RREB1: variants seen among roughly 807,000 people sequenced by gnomAD.
The protein encoded by RREB1 is ras-responsive element-binding protein 1.
Under a neutral mutation model 117.8 loss-of-function variants are expected in RREB1, and 27 were observed. That is an observed-to-expected ratio of 0.23 (90% CI 0.17 to 0.32). The LOEUF (loss-of-function observed/expected upper bound fraction) is 0.32, where lower values mean the gene tolerates loss of function less well. RREB1 is among the 10% of genes least tolerant of loss of function. The pLI is 1.00. For synonymous variants in RREB1, 1,298 were observed against 1,026.7 expected (o/e 1.26, Z -5.05); for missense variants, 2,577 against 2,378.2 (o/e 1.08, Z -1.74).
At chr6:7,111,942 A>T (rs1761167947) in intron 1 of RREB1, among the ~76,000 whole-genome samples, 1 of 152,234 alleles carries the variant, frequency 6.6e-6, no homozygotes, top group African/African-American at 2.4e-5. Flanking sequence ...ATTTGTATTC[A>T]AAGATAGAAA....
intron 1 of RREB1, among the ~76,000 whole-genome samples, chr6:7,157,836 C>T (rs750405254): frequency 2.1e-4 from 32 of 152,200 alleles, no homozygotes; most frequent in Non-Finnish European, 4.0e-4. Flanking sequence ...CTCTTTCATC[C>T]CTCCTGACTC....
chr6:7,153,571 C>T (rs980795225), intron 1 of RREB1, among the ~76,000 whole-genome samples: 4 of 151,848 alleles, frequency 2.6e-5, no homozygotes. Flanking sequence ...AGAAACAGAC[C>T]GAAAATAGGA....
intron 1 of RREB1, among the ~76,000 whole-genome samples, chr6:7,141,223 G>C (rs1762565862): frequency 6.6e-6 from 1 of 152,070 alleles, no homozygotes; most frequent in South Asian, 2.1e-4. Context: ...TGGCTGGCGG[G>C]CTGGCGGGGG....
intron 6 of RREB1, among the ~76,000 whole-genome samples, chr6:7,199,572 C>CT (rs1435891253): frequency 6.6e-6 from 1 of 152,014 alleles, no homozygotes; most frequent in South Asian, 2.1e-4. Flanking sequence ...GAACACTTGC[C>CT]TTTTTTTCTT....
At position 7,231,037 on chromosome 6, in the gene RREB1, C is replaced by T. The variant is rs778450097; in HGVS notation, c.2938C>T (p.Pro980Ser). Reference protein sequence around the residue: ...SPCPAPGPSLPVTLGPSGILE... With the variant: ...SPCPAPGPSLSVTLGPSGILE... ...CTGCCCAGCACCCGGCCCTTCTCTT[C>T]CTGTAACTTTGGGGCCCAGCGGAAT... The change falls in exon 10 of 13, where the codon CCT becomes TCT. Residue 980 changes from proline (P) to serine (S), a missense_variant. By Grantham distance (74) the Pro-to-Ser change is moderately conservative (BLOSUM62 -1). Transcript: ENST00000379938. The T allele has an allele frequency of 5.0e-6, 8 of 1,613,912 alleles. No homozygotes were observed. The highest frequency in any genetic ancestry group is 4.0e-5 in the African/African-American group (3 of 74,924).
chr6:7,238,486 C>T (rs1238693232), intron 10 of RREB1, among the ~76,000 whole-genome samples: 2 of 152,250 alleles, frequency 1.3e-5, no homozygotes, highest in Non-Finnish European at 2.9e-5. Context: ...ATCTGCTCAC[C>T]TTGGCCTCCC....
At chr6:7,174,167 T>C (rs956635214) in intron 1 of RREB1, among the ~76,000 whole-genome samples, 22 of 150,554 alleles carry the variant, frequency 1.5e-4, no homozygotes, top group African/African-American at 5.0e-4. Flanking sequence ...TTTTTTTTTT[T>C]TCTGAAGCAT....
At chr6:7,180,362 A>G (rs1764726981) in intron 2 of RREB1, among the ~76,000 whole-genome samples, 1 of 152,316 alleles carries the variant, frequency 6.6e-6, no homozygotes, top group Middle Eastern at 3.4e-3. Flanking sequence ...GAGAAATCAT[A>G]TTCTTCCTTG....
intron 12 of RREB1, among the ~76,000 whole-genome samples, chr6:7,247,554 G>C (rs1411766407): frequency 6.6e-6 from 1 of 152,178 alleles, no homozygotes; most frequent in African/African-American, 2.4e-5. Flanking sequence ...CTAGGAGAGG[G>C]TGCTTGTGCT....
rs367822372 is a variant in RREB1 at position 7,235,075 on chromosome 6, A to G, written c.3808+3168A>G. On this transcript the variant is annotated intron_variant, in intron 10 of 12. Transcript: ENST00000379938. ...CTACAGAATCGTGTTAGCCACATGCATAGACACTGTATGAAGGTTGGTGCC... is the reference window on the plus strand; with the variant it reads ...CTACAGAATCGTGTTAGCCACATGCGTAGACACTGTATGAAGGTTGGTGCC... Among the ~76,000 whole-genome samples the G allele has an allele frequency of 2.8e-4, 43 of 152,362 alleles. 1 individual carries two copies. The South Asian group carries it at 8.5e-3, about 30-fold the overall frequency.
chr6:7,215,656 A>C (rs1766855700), intron 8 of RREB1: 7 of 152,218 alleles, frequency 4.6e-5, no homozygotes, highest in Admixed American at 4.6e-4. Flanking sequence ...GTCATGTTTT[A>C]AAAAGTAAAA....
chr6:7,143,385 C>T (rs1762712528), intron 1 of RREB1, among the ~76,000 whole-genome samples: 1 of 152,182 alleles, frequency 6.6e-6, no homozygotes, highest in African/African-American at 2.4e-5. Context: ...TCGTTCACTC[C>T]CTTGGTCTGA....
chr6:7,230,809 C>G lies in RREB1; in HGVS notation c.2710C>G (p.Gln904Glu). The change falls in exon 10 of 13, where the codon CAG becomes GAG. Residue 904 changes from glutamine (Q) to glutamate (E), a missense_variant. Physicochemically the swap from Gln to Glu is conservative, Grantham distance 29. Transcript: ENST00000379938. ...VDFNEPLDFS[Q>E]KGLALVQVKQ... ...CTTCAATGAGCCCCTGGACTTCTCGCAGAAGGGCCTGGCCCTGGTCCAAGT... is the reference window on the plus strand; with the variant it reads ...CTTCAATGAGCCCCTGGACTTCTCGGAGAAGGGCCTGGCCCTGGTCCAAGT... 1.2e-6 allele frequency: 2 copies of G among 1,614,188 alleles called. No homozygotes were observed. The highest frequency in any genetic ancestry group is 1.6e-4 in the Middle Eastern group (1 of 6,062).
intron 4 of RREB1, chr6:7,182,935 T>C (rs1394850235): frequency 2.6e-5 from 4 of 152,236 alleles, no homozygotes. Flanking sequence ...TGGGCTTTTG[T>C]AAACTAATTT....
chr6:7,139,860 C>T (rs1762486977), intron 1 of RREB1, among the ~76,000 whole-genome samples: 2 of 152,208 alleles, frequency 1.3e-5, no homozygotes, highest in South Asian at 2.1e-4. Flanking sequence ...CCTTCTTGGT[C>T]CTTTCCCCCA....
intron 1 of RREB1, among the ~76,000 whole-genome samples, chr6:7,149,958 G>T (rs1243072720): frequency 6.6e-6 from 1 of 151,068 alleles, no homozygotes; most frequent in African/African-American, 2.4e-5. Context: ...CAAAGTGCTG[G>T]GATTATAGGC....
At chr6:7,153,049 A>G (rs1404138407) in intron 1 of RREB1, among the ~76,000 whole-genome samples, 5 of 149,162 alleles carry the variant, frequency 3.4e-5, no homozygotes, top group Admixed American at 6.7e-5. Context: ...TCTGGATTGT[A>G]ATGTGTTTTG....
In RREB1 at chr6:7,181,178, C is replaced by T; in HGVS notation, c.-111C>T. 2 of 398,696 alleles carry T rather than the reference C, an allele frequency of 5.0e-6. No homozygotes were observed. The highest frequency in any genetic ancestry group is 8.8e-6 in the Non-Finnish European group (2 of 226,126). The allele number at this position is 398,696 out of a possible 1,614,324, so 24.7% of individuals were successfully genotyped here. A position where few individuals can be genotyped will look rare whatever the true frequency, so the allele number is the denominator to read the frequency against. ...CAAGAGGTCAACACAGACTCATTTT[C>T]TACTCCGTGTGAATGATAGCTACAG... On this transcript the variant is annotated 5_prime_UTR_variant, in exon 3 of 13. Transcript: ENST00000379938.
intron 1 of RREB1, among the ~76,000 whole-genome samples, chr6:7,153,284 A>C (rs1763206816): frequency 6.6e-6 from 1 of 151,964 alleles, no homozygotes; most frequent in Non-Finnish European, 1.5e-5. Context: ...TGATGCCCTT[A>C]AAGAGATCAC....
Sources: gnomAD v4.1 joint callset for allele counts (sites outside exome capture counted in the v4.1 genomes callset) on GRCh38, gnomAD v4.1.1 for gene constraint, MANE v1.5 for transcripts, NCBI Gene and HGNC (gene_info 2026-07-23, HGNC 2026-07-21) for gene names.